WNT2B: variants seen among roughly 807,000 people sequenced by gnomAD.
The protein encoded by WNT2B is protein Wnt-2b.
WNT2B carries 19 observed loss-of-function variants against 40.5 expected under a neutral mutation model. That is an observed-to-expected ratio of 0.47 (90% CI 0.33 to 0.69). The LOEUF (loss-of-function observed/expected upper bound fraction) is 0.69. Among genes scored for constraint, WNT2B ranks in the 30% least tolerant of loss-of-function variants. The probability of loss-of-function intolerance (pLI) is 0.02; values close to 1 mark genes in which losing one functional copy is unlikely to be tolerated. For synonymous variants in WNT2B, 220 were observed against 211.9 expected (o/e 1.04, Z -0.33); for missense variants, 467 against 556.4 (o/e 0.84, Z 1.62).
At chr1:112,490,931 C>A in intron 1 of WNT2B, 1 of 1,413,212 alleles carries the variant, frequency 7.1e-7, no homozygotes, top group South Asian at 1.2e-5. Context: ...CTAAATAAAT[C>A]TACAAATCAC....
chr1:112,473,482 C>T (rs1021215048), intron 1 of WNT2B, among the ~76,000 whole-genome samples: 1 of 151,868 alleles, frequency 6.6e-6, no homozygotes, highest in Non-Finnish European at 1.5e-5. Context: ...CAACAGATTA[C>T]ACATTGTGGA....
At chr1:112,519,872 CTTTT>C (rs71081244) in intron 4 of WNT2B, among the ~76,000 whole-genome samples, 1 of 115,628 alleles carries the variant, frequency 8.6e-6, no homozygotes, top group Non-Finnish European at 1.8e-5. Flanking sequence ...GCCCATGCTT[CTTTT>C]TTTTTTTTTT....
At chr1:112,484,808 T>A (rs1349182443) in intron 1 of WNT2B, among the ~76,000 whole-genome samples, 7 of 152,032 alleles carry the variant, frequency 4.6e-5, no homozygotes, top group Admixed American at 4.6e-4. Context: ...ATAATACTAT[T>A]TATAATAGCA....
intron 1 of WNT2B, among the ~76,000 whole-genome samples, chr1:112,469,587 T>C (rs1650809448): frequency 6.6e-6 from 1 of 152,090 alleles, no homozygotes; most frequent in South Asian, 2.1e-4. Flanking sequence ...TTGTTGTTTG[T>C]TTGTTTGTTT....
upstream of WNT2B, among the ~76,000 whole-genome samples, chr1:112,504,207 G>T (rs1169216383): frequency 6.6e-6 from 1 of 152,206 alleles, no homozygotes; most frequent in Non-Finnish European, 1.5e-5. Flanking sequence ...CCTGGCTCCA[G>T]TCTGATTACA....
At chr1:112,483,490 G>A (rs1441536567) in intron 1 of WNT2B, among the ~76,000 whole-genome samples, 1 of 151,962 alleles carries the variant, frequency 6.6e-6, no homozygotes, top group African/African-American at 2.4e-5. Context: ...AAGGATTACA[G>A]ATCTAAGCTT....
chr1:112,478,587 G>A (rs1056481255), intron 1 of WNT2B, among the ~76,000 whole-genome samples: 2 of 152,138 alleles, frequency 1.3e-5, no homozygotes, highest in Admixed American at 1.3e-4. Context: ...AAAAAAAAAT[G>A]CCATTTAAGA....
At chr1:112,500,560 A>T (rs1029144575) in intron 1 of WNT2B, among the ~76,000 whole-genome samples, 1 of 152,184 alleles carries the variant, frequency 6.6e-6, no homozygotes, top group Non-Finnish European at 1.5e-5. Context: ...GCTTTAGCCC[A>T]GGAGTTCAAG....
intron 1 of WNT2B, chr1:112,491,136 A>G: frequency 1.3e-6 from 2 of 1,544,490 alleles, no homozygotes; most frequent in Non-Finnish European, 1.8e-6. Context: ...ATTGGCCTGC[A>G]CGGTGGCTCG....
intron 1 of WNT2B, among the ~76,000 whole-genome samples, chr1:112,497,970 A>G (rs575101457): frequency 6.6e-6 from 1 of 151,450 alleles, no homozygotes; most frequent in East Asian, 2.0e-4. Flanking sequence ...TTTGTTATAT[A>G]GGTATACATG....
intron 1 of WNT2B, among the ~76,000 whole-genome samples, chr1:112,468,271 G>A (rs759081988): frequency 1.3e-5 from 2 of 152,080 alleles, no homozygotes; most frequent in Non-Finnish European, 2.9e-5. Flanking sequence ...ACATCTGAAC[G>A]CAGGCATCCC....
At chr1:112,469,250 A>G (rs983294037) in intron 1 of WNT2B, among the ~76,000 whole-genome samples, 2 of 152,226 alleles carry the variant, frequency 1.3e-5, no homozygotes, top group African/African-American at 4.8e-5. Context: ...GACTCTGAAG[A>G]CACATCTGAA....
chr1:112,513,319 T>C (rs1388140646), intron 1 of WNT2B, among the ~76,000 whole-genome samples: 1 of 152,158 alleles, frequency 6.6e-6, no homozygotes, highest in Non-Finnish European at 1.5e-5. Context: ...GTGTTTATTT[T>C]GTTTGTTCCT....
intron 1 of WNT2B, among the ~76,000 whole-genome samples, chr1:112,486,394 G>A (rs1651418858): frequency 6.6e-6 from 1 of 152,080 alleles, no homozygotes; most frequent in African/African-American, 2.4e-5. Flanking sequence ...AATGAGCCAA[G>A]GTCACACCAC....
upstream of WNT2B, among the ~76,000 whole-genome samples, chr1:112,505,821 C>A (rs1652088873): frequency 6.6e-6 from 1 of 152,094 alleles, no homozygotes; most frequent in East Asian, 1.9e-4. Flanking sequence ...GGAGAGGGGA[C>A]AAAGAAGCAG....
At chr1:112,517,467 C>T in intron 4 of WNT2B, 82 bp downstream of exon 4, 2 of 1,497,422 alleles carry the variant, frequency 1.3e-6, no homozygotes. Context: ...TGTTCAGTCT[C>T]AGGAGTTAGG....
intron 1 of WNT2B, among the ~76,000 whole-genome samples, chr1:112,473,671 A>G (rs1650961638): frequency 6.6e-6 from 1 of 152,112 alleles, no homozygotes; most frequent in Non-Finnish European, 1.5e-5. Context: ...AATAGCCAAG[A>G]TTTTCCAAAT....
At chr1:112,468,242 A>G (rs1411605418) in intron 1 of WNT2B, among the ~76,000 whole-genome samples, 1 of 152,200 alleles carries the variant, frequency 6.6e-6, no homozygotes, top group Non-Finnish European at 1.5e-5. Flanking sequence ...CTTTGCTGTC[A>G]TGAGTCGTGC....
rs1267504798 is a variant in WNT2B, at chr1:112,515,114, T to C, written c.403+20T>C. 6.2e-7 allele frequency: 1 copy of C among 1,609,514 alleles called. No individual in the cohort carries two copies. Among genetic ancestry groups the C allele is most frequent in the Non-Finnish European group, 8.5e-7 (1 of 1,177,308 alleles). On this transcript the variant is annotated intron_variant, in intron 2 of 4. Transcript: ENST00000369684. The surrounding 1 kb of genome is among the most constrained non-coding windows in gnomAD (Gnocchi z 4.4). ...TCAGAAGTAAGAGCCTCTTCCATCC[T>C]GTGTCAGCTCCTTCCCTTTCTGTGC...
Sources: allele counts gnomAD v4.1 joint callset (sites outside exome capture counted in the v4.1 genomes callset), GRCh38; gene constraint gnomAD v4.1.1; non-coding constraint Gnocchi (gnomAD v3.1); transcripts MANE v1.5; gene names NCBI Gene and HGNC (gene_info 2026-07-23, HGNC 2026-07-21).